SCAPER: variants seen among roughly 807,000 people sequenced by gnomAD.
The protein encoded by SCAPER is S-phase cyclin A associated protein in the ER, also known as S phase cyclin A-associated protein in the endoplasmic reticulum.
Under a neutral mutation model 182.2 loss-of-function variants are expected in SCAPER, and 98 were observed. That is an observed-to-expected ratio of 0.54 (90% CI 0.46 to 0.64). SCAPER has a LOEUF of 0.64. SCAPER is among the 30% of genes least tolerant of loss of function. SCAPER has a pLI of 0.00. For synonymous variants in SCAPER, 605 were observed against 564.6 expected, an observed-to-expected ratio of 1.07 and a Z score of -1.01; for missense variants, 1,432 against 1,690.0, an observed-to-expected ratio of 0.85 and a Z score of 2.68.
At chr15:76,727,114 T>G (rs2060641928) in intron 17 of SCAPER, among the ~76,000 whole-genome samples, 2 of 152,050 alleles carry the variant, frequency 1.3e-5, no homozygotes, top group Admixed American at 1.3e-4. Flanking sequence ...AAAGATGTTC[T>G]GAAAGACCTA....
intron 24 of SCAPER, among the ~76,000 whole-genome samples, chr15:76,493,330 T>C (rs1439802454): frequency 1.3e-5 from 2 of 152,178 alleles, no homozygotes; most frequent in East Asian, 1.9e-4. Context: ...AAGGAGTACA[T>C]AATCTTCAAC....
chr15:76,657,103 C>T (rs1241100003), intron 21 of SCAPER, among the ~76,000 whole-genome samples: 1 of 151,894 alleles, frequency 6.6e-6, no homozygotes, highest in Admixed American at 6.6e-5. Flanking sequence ...CCAACAAATC[C>T]AAGAGTTGAT....
intron 14 of SCAPER, among the ~76,000 whole-genome samples, chr15:76,762,149 C>G (rs973703690): frequency 2.0e-5 from 3 of 152,070 alleles, no homozygotes; most frequent in Non-Finnish European, 2.9e-5. Flanking sequence ...CGTGTTCAGC[C>G]AAGTCTGTTC....
chr15:76,554,000 C>T (rs557824103), intron 23 of SCAPER, among the ~76,000 whole-genome samples: 11 of 152,138 alleles, frequency 7.2e-5, no homozygotes, highest in Admixed American at 2.0e-4. Context: ...AAATGACAGA[C>T]ACAGAATTCA....
intron 17 of SCAPER, among the ~76,000 whole-genome samples, chr15:76,725,723 T>C (rs1448824004): frequency 1.3e-5 from 2 of 151,998 alleles, no homozygotes; most frequent in African/African-American, 2.4e-5. Context: ...TCAACAAAGA[T>C]GACAAAACCA....
At chr15:76,519,393 G>C (rs1198373398) in intron 23 of SCAPER, among the ~76,000 whole-genome samples, 2 of 152,184 alleles carry the variant, frequency 1.3e-5, no homozygotes, top group African/African-American at 4.8e-5. Flanking sequence ...AGCAGGGAAA[G>C]GGAGAAGTAG....
Position 76,381,502 on chromosome 15 carries a change from C to T in SCAPER, c.3581G>A (p.Gly1194Asp), listed in dbSNP as rs2042939767. The change falls in exon 28 of 32, where the codon GGC (glycine) becomes GAC (aspartate). Residue 1194 changes from glycine (G) to aspartate (D), a missense_variant. Transcript: ENST00000563290. ...LHMLYCVLFH[G>D]TILDPSTASP... ...GGCAGTGCTGGGGTCCAAGATGGTG[C>T]CATGGAAGAGGACACAGTAGAGCAT... 2 of 1,613,438 alleles carry T rather than the reference C, an allele frequency of 1.2e-6. No homozygotes were observed. The highest frequency in any genetic ancestry group is 1.1e-5 in the South Asian group (1 of 90,920).
chr15:76,852,129 A>G (rs2070825662), intron 4 of SCAPER, among the ~76,000 whole-genome samples: 1 of 152,246 alleles, frequency 6.6e-6, no homozygotes, highest in Non-Finnish European at 1.5e-5. Flanking sequence ...ATTCAATTCA[A>G]CAAGACCTAA....
rs1282706035 is a variant in SCAPER at position 76,782,751 on chromosome 15, G to A, written c.773-7634C>T. Among the ~76,000 whole-genome samples, 5 of 152,162 alleles carry A rather than the reference G, an allele frequency of 3.3e-5. No individual in the cohort carries two copies. In the East Asian group the frequency reaches 9.7e-4, roughly 29 times the overall value. On this transcript the variant is annotated intron_variant, in intron 8 of 31. Coordinates refer to ENST00000563290, the MANE Select transcript of SCAPER (RefSeq NM_020843.4). ...CTCACTCAAAACCTCACAACTACATGGAAACAGAACAACCTGCTCCTGAAT... is the reference window on the plus strand; with the variant it reads ...CTCACTCAAAACCTCACAACTACATAGAAACAGAACAACCTGCTCCTGAAT...
intron 24 of SCAPER, among the ~76,000 whole-genome samples, chr15:76,489,891 G>A (rs1360921384): frequency 1.3e-5 from 2 of 152,070 alleles, no homozygotes; most frequent in African/African-American, 4.8e-5. Context: ...CAAAATCATG[G>A]AGTATTTGTC....
intron 24 of SCAPER, among the ~76,000 whole-genome samples, chr15:76,478,714 T>C (rs2050855529): frequency 6.6e-6 from 1 of 152,170 alleles, no homozygotes; most frequent in African/African-American, 2.4e-5. Context: ...ATGCCATCTT[T>C]ATCAGACTCT....
intron 15 of SCAPER, among the ~76,000 whole-genome samples, chr15:76,734,092 T>C (rs1482505084): frequency 6.6e-6 from 1 of 152,198 alleles, no homozygotes; most frequent in Non-Finnish European, 1.5e-5. Context: ...TCTAATGAGT[T>C]TGAAAGGACA....
chr15:76,546,347 C>T (rs1436126296), intron 23 of SCAPER, among the ~76,000 whole-genome samples: 1 of 152,012 alleles, frequency 6.6e-6, no homozygotes, highest in African/African-American at 2.4e-5. Context: ...CTACTGTCTA[C>T]ATCTAAAGAT....
intron 25 of SCAPER, among the ~76,000 whole-genome samples, chr15:76,456,107 G>A (rs2048715638): frequency 1.3e-5 from 2 of 152,082 alleles, no homozygotes; most frequent in South Asian, 4.1e-4. Context: ...CTTTGCTATT[G>A]TAAATAGTGC....
chr15:76,639,877 C>G (rs1453630862), intron 21 of SCAPER, among the ~76,000 whole-genome samples: 3 of 151,940 alleles, frequency 2.0e-5, no homozygotes, highest in Non-Finnish European at 4.4e-5. Flanking sequence ...ACATAATTAC[C>G]TGTGTTAATT....
intron 4 of SCAPER, among the ~76,000 whole-genome samples, chr15:76,851,282 A>G (rs2070730706): frequency 6.6e-6 from 1 of 152,220 alleles, no homozygotes; most frequent in Non-Finnish European, 1.5e-5. Context: ...AGTATCCATG[A>G]TAACTTTCCC....
chr15:76,884,528 C>T (rs2073742015), intron 1 of SCAPER, among the ~76,000 whole-genome samples: 1 of 152,100 alleles, frequency 6.6e-6, no homozygotes, highest in Admixed American at 6.5e-5. Flanking sequence ...TAACAAACAA[C>T]AACAACAACA....
chr15:76,383,100 G>T (rs199798394), intron 27 of SCAPER, among the ~76,000 whole-genome samples: 28 of 12,312 alleles, frequency 2.3e-3, no homozygotes, highest in Middle Eastern at 0.036. Context: ...GTGTGTGTGT[G>T]TAAATACACA....
At chr15:76,727,125 A>C (rs1488349571) in intron 17 of SCAPER, among the ~76,000 whole-genome samples, 1 of 152,104 alleles carries the variant, frequency 6.6e-6, no homozygotes, top group Non-Finnish European at 1.5e-5. Flanking sequence ...GAAAGACCTA[A>C]ATCAGTAGAA....
Sources: allele counts gnomAD v4.1 joint callset (sites outside exome capture counted in the v4.1 genomes callset), GRCh38; gene constraint gnomAD v4.1.1; transcripts MANE v1.5; gene names NCBI Gene and HGNC (gene_info 2026-07-23, HGNC 2026-07-21).